The following ZHX3 variants were observed in gnomAD, a reference collection of about 807,000 sequenced individuals.
ZHX3 encodes zinc fingers and homeoboxes protein 3.
A neutral mutation model predicts 64.5 loss-of-function variants in ZHX3; 20 were observed. That is an observed-to-expected ratio of 0.31 (90% CI 0.22 to 0.45). The LOEUF (loss-of-function observed/expected upper bound fraction) is 0.45. Ranked by LOEUF, ZHX3 falls within the 20% of genes least tolerant of loss-of-function variation. The probability of loss-of-function intolerance (pLI) is 1.00; values close to 1 mark genes in which losing one functional copy is unlikely to be tolerated. For synonymous variants in ZHX3, 423 were observed against 461.6 expected (o/e 0.92, Z 1.07); for missense variants, 1,041 against 1,195.8 (o/e 0.87, Z 1.91).
intron 1 of ZHX3, among the ~76,000 whole-genome samples, chr20:41,293,629 T>C (rs2044361652): frequency 6.6e-6 from 1 of 152,074 alleles, no homozygotes; most frequent in Non-Finnish European, 1.5e-5. Context: ...ATAAGTCTGG[T>C]CACACATTCT....
Position 41,184,491 on chromosome 20 carries a change from C to G in ZHX3, c.*700G>C, listed in dbSNP as rs920038519. 1 of 177,390 alleles carries G rather than the reference C, an allele frequency of 5.6e-6. No homozygotes were observed. Among genetic ancestry groups the G allele is most frequent in the African/African-American group, 2.4e-5 (1 of 42,030 alleles). The allele number at this position is 177,390 out of a possible 1,614,324, so 11.0% of individuals were successfully genotyped here. A position where few individuals can be genotyped will look rare whatever the true frequency, so the allele number is the denominator to read the frequency against. ...CTAAAGAGAATGGTAAAGCATCCAA[C>G]GCTAATCACATTGCCAGTCCATTTT... On this transcript the variant is annotated 3_prime_UTR_variant, in exon 4 of 4. Coordinates refer to ENST00000683867, the MANE Select transcript of ZHX3 (RefSeq NM_001384317.1).
chr20:41,278,990 G>T (rs1293034603), intron 1 of ZHX3, among the ~76,000 whole-genome samples: 1 of 152,114 alleles, frequency 6.6e-6, no homozygotes, highest in Non-Finnish European at 1.5e-5. Context: ...TGCTAGCCAG[G>T]ATGGCCTCAA....
rs1259724880 is a variant in ZHX3, at chr20:41,201,282, T to G, written c.2860+775A>C. The G allele has an allele frequency of 4.6e-6, 6 of 1,299,658 alleles. No individual in the cohort carries two copies. The East Asian group carries it at 2.8e-4, about 60-fold the overall frequency. The allele number at this position is 1,299,658 out of a possible 1,614,324, so 80.5% of individuals were successfully genotyped here. On this transcript the variant is annotated intron_variant, in intron 3 of 3. Transcript: ENST00000683867. The surrounding 1 kb of genome is among the most constrained non-coding windows in gnomAD (Gnocchi z 5.0). The stretch of plus-strand genomic sequence containing the variant: ...CTACAATACTCCGCCCTCCTGGCTC[T>G]CACCTGAGCTTCTGGCTGCCCTCTG...
chr20:41,192,162 C>T (rs2037079150), intron 3 of ZHX3, among the ~76,000 whole-genome samples: 1 of 152,280 alleles, frequency 6.6e-6, no homozygotes, highest in South Asian at 2.1e-4. Context: ...GCCCATTCTG[C>T]AGGCCCACAA....
chr20:41,309,069 T>C (rs748857100), intron 1 of ZHX3, among the ~76,000 whole-genome samples: 1 of 152,198 alleles, frequency 6.6e-6, no homozygotes, highest in Non-Finnish European at 1.5e-5. Context: ...AGGTTATGTT[T>C]TTCTCTATAA....
At chr20:41,296,835 CA>C (rs2146783663) in intron 1 of ZHX3, among the ~76,000 whole-genome samples, 1 of 152,340 alleles carries the variant, frequency 6.6e-6, no homozygotes, top group Non-Finnish European at 1.5e-5. Context: ...ATGCATCCCT[CA>C]ACCAAAATTC....
chr20:41,264,556 T>C (rs2042738341), intron 2 of ZHX3, among the ~76,000 whole-genome samples: 1 of 106,010 alleles, frequency 9.4e-6, no homozygotes. Context: ...TGAAACTCCA[T>C]CTCAAAAAAA....
chr20:41,307,453 A>C (rs2045013202), intron 1 of ZHX3, among the ~76,000 whole-genome samples: 3 of 152,182 alleles, frequency 2.0e-5, no homozygotes, highest in Admixed American at 6.5e-5. Flanking sequence ...CTGGTTTTCT[A>C]TTCACTACCA....
In ZHX3 at chr20:41,181,040, AC is replaced by A. The variant is rs1221628997; in HGVS notation, c.*4150del. The A allele has an allele frequency of 1.3e-5, 2 of 152,298 alleles. No individual in the cohort carries two copies. Among genetic ancestry groups the A allele is most frequent in the African/African-American group, 4.8e-5 (2 of 41,446 alleles). 9.4% of individuals were successfully genotyped at this position (152,298 alleles called of 1,614,324 possible). ...TCTGAGATCAAGTGCTCCCCAAACT[AC>A]ATGGGAGTAGCCCCCCGTGGTCTGG... On this transcript the variant is annotated 3_prime_UTR_variant, in exon 4 of 4. Transcript: ENST00000683867.
chr20:41,183,865 A>AC lies in ZHX3; in HGVS notation c.*1325dup, dbSNP rs1217941087. On this transcript the variant is annotated 3_prime_UTR_variant, in exon 4 of 4. Transcript: ENST00000683867. The surrounding 1 kb of genome is among the most constrained non-coding windows in gnomAD (Gnocchi z 5.3). ...AGCAAGTTTTCTAATTTTCAAAGGCACCATTTCCTGTAATTTTCTCAATTC... is the reference window on the plus strand; with the variant it reads ...AGCAAGTTTTCTAATTTTCAAAGGCACCCATTTCCTGTAATTTTCTCAATTC... 6.6e-6 allele frequency: 1 copy of AC among 152,228 alleles called. No homozygotes were observed. The highest frequency in any genetic ancestry group is 1.9e-4 in the East Asian group (1 of 5,206). 9.4% of individuals were successfully genotyped at this position (152,228 alleles called of 1,614,324 possible). A position where few individuals can be genotyped will look rare whatever the true frequency, so the allele number is the denominator to read the frequency against.
chr20:41,243,887 G>C (rs1282604789), intron 2 of ZHX3, among the ~76,000 whole-genome samples: 1 of 152,130 alleles, frequency 6.6e-6, no homozygotes, highest in Non-Finnish European at 1.5e-5. Flanking sequence ...GAAAACTTAA[G>C]AGATGTGAAG....
chr20:41,307,943 C>T (rs1460470951), intron 1 of ZHX3, among the ~76,000 whole-genome samples: 1 of 152,162 alleles, frequency 6.6e-6, no homozygotes, highest in Non-Finnish European at 1.5e-5. Flanking sequence ...GACATGGACC[C>T]TCTTTTCAAC....
intron 1 of ZHX3, among the ~76,000 whole-genome samples, chr20:41,301,842 C>G (rs1000167580): frequency 1.3e-5 from 2 of 151,842 alleles, no homozygotes; most frequent in African/African-American, 2.4e-5. Flanking sequence ...ATCACGAGGT[C>G]AGGAGATCGA....
At position 41,202,055 on chromosome 20, in the gene ZHX3, A is replaced by G. The variant is rs757842322; in HGVS notation, c.2860+2T>C. 6.3e-7 allele frequency: 1 copy of G among 1,586,586 alleles called. No individual in the cohort carries two copies. The highest frequency in any genetic ancestry group is 1.2e-5 in the South Asian group (1 of 85,916). On this transcript the variant is annotated splice_donor_variant, in intron 3 of 3. Transcript: ENST00000683867. LOFTEE classifies it high-confidence loss of function. The surrounding 1 kb of genome is among the most constrained non-coding windows in gnomAD (Gnocchi z 7.0). ...TAGCCATGGCCCCTGTGGACTCCTT[A>G]CCGAGCTGACGTCCAGCCTGGGGAC... is the stretch of plus-strand genomic sequence containing the variant.
rs1397662213 is a variant in ZHX3, at chr20:41,195,178, G to A, written c.2860+6879C>T. On this transcript the variant is annotated intron_variant, in intron 3 of 3. Coordinates refer to ENST00000683867, the MANE Select transcript of ZHX3 (RefSeq NM_001384317.1). This position sits in a 1 kb window ranked among gnomAD's most constrained non-coding sequence, Gnocchi z 4.2. ...CTGTCACCCAGGCTGGAATGCAGTG[G>A]TGCAAGTATAGCTCACTATAACCTC... is the stretch of plus-strand genomic sequence containing the variant. Among the ~76,000 whole-genome samples, 1 of 152,134 alleles carries A rather than the reference G, an allele frequency of 6.6e-6. No individual in the cohort carries two copies. The highest frequency in any genetic ancestry group is 6.5e-5 in the Admixed American group (1 of 15,280).
intron 2 of ZHX3, among the ~76,000 whole-genome samples, chr20:41,235,628 A>G (rs1446448573): frequency 6.6e-6 from 1 of 152,230 alleles, no homozygotes; most frequent in South Asian, 2.1e-4. Flanking sequence ...ATCTCAAAAT[A>G]GTAAGAGCTA....
Position 41,202,924 on chromosome 20 carries a change from T to C in ZHX3, c.1993A>G (p.Lys665Glu). The change falls in exon 3 of 4, where the codon AAA (lysine) becomes GAA (glutamate). Residue 665 changes from lysine (K) to glutamate (E), a missense_variant. Lys to Glu is a moderately conservative substitution (Grantham distance 56). Coordinates refer to ENST00000683867, the MANE Select transcript of ZHX3 (RefSeq NM_001384317.1). The surrounding 1 kb of genome is among the most constrained non-coding windows in gnomAD (Gnocchi z 7.0). ...TTGGTCTCCTCAGCATTCACTTTTT[T>C]CCGTCTCTCTGAAAACCAGCTATCA... The part of the protein sequence containing the change: ...EIDSWFSERR[K>E]KVNAEETKKA... 6.2e-7 allele frequency: 1 copy of C among 1,614,142 alleles called. No individual in the cohort carries two copies. The highest frequency in any genetic ancestry group is 8.5e-7 in the Non-Finnish European group (1 of 1,180,020).
At chr20:41,189,870 A>T (rs1302161271) in intron 3 of ZHX3, among the ~76,000 whole-genome samples, 1 of 152,136 alleles carries the variant, frequency 6.6e-6, no homozygotes, top group Non-Finnish European at 1.5e-5. Flanking sequence ...GCTGAATAGG[A>T]GCGGTGAAAG....
intron 2 of ZHX3, among the ~76,000 whole-genome samples, chr20:41,250,577 T>C (rs2041942326): frequency 6.6e-6 from 1 of 151,970 alleles, no homozygotes; most frequent in African/African-American, 2.4e-5. Context: ...GATCCAATAT[T>C]CATATTATCA....
Sources: allele counts gnomAD v4.1 joint callset (sites outside exome capture counted in the v4.1 genomes callset), GRCh38; gene constraint gnomAD v4.1.1; non-coding constraint Gnocchi (gnomAD v3.1); transcripts MANE v1.5; gene names NCBI Gene and HGNC (gene_info 2026-07-23, HGNC 2026-07-21).